Variants in TENT4A observed in about 807,000 individuals in gnomAD.
TENT4A encodes the protein terminal nucleotidyltransferase 4A, also known as DNA polymerase kappa.
TENT4A carries 7 observed loss-of-function variants against 72.8 expected under a neutral mutation model. That is an observed-to-expected ratio of 0.10 (90% CI 0.05 to 0.18). TENT4A has a LOEUF of 0.18. TENT4A is among the 10% of genes least tolerant of loss of function. The pLI is 1.00. For missense variants in TENT4A, 831 were observed against 1,017.7 expected (o/e 0.82, Z 2.50); for synonymous variants, 456 against 434.3 (o/e 1.05, Z -0.62).
chr5:6,750,332 C>A lies in TENT4A; in HGVS notation c.1689C>A (p.Asp563Glu). 6.2e-7 allele frequency: 1 copy of A among 1,608,840 alleles called. No homozygotes were observed. Among genetic ancestry groups the A allele is most frequent in the Non-Finnish European group, 8.5e-7 (1 of 1,177,738 alleles). Residue 563 changes from aspartate to glutamate, a missense_variant and splice_region_variant, in exon 10 of 13, where the codon GAC (aspartate) becomes GAA (glutamate). Asp to Glu is a conservative substitution (Grantham distance 45). Coordinates refer to ENST00000230859, the MANE Select transcript of TENT4A (RefSeq NM_006999.6). ...GSKAHPSPGM[D>E]SRIKIKERIA... ...AACCAAGGCTTTTTCCCTCCACAGA[C>A]AGCAGGATCAAGATCAAAGAGCGAA...
In TENT4A at chr5:6,714,213, GCCCCACCGC is replaced by G. The variant is rs933033549; in HGVS notation, c.231_239del (p.Thr79_Pro81del). 2 of 976,826 alleles carry G rather than the reference GCCCCACCGC, an allele frequency of 2.0e-6. No homozygotes were observed. Among genetic ancestry groups the G allele is most frequent in the African/African-American group, 1.8e-5 (1 of 56,094 alleles). 60.5% of individuals were successfully genotyped at this position (976,826 alleles called of 1,614,324 possible). On this transcript the variant is annotated inframe_deletion, in exon 1 of 13. Transcript: ENST00000230859. ...CCCGCCGCGTCGCCCCCGCCGCCCG[GCCCCACCGC>G]GCCCGCCGCGCTGCCCCCCGCGCTG...
intron 6 of TENT4A, 166 bp from the exon 7 acceptor site, chr5:6,746,048 G>C (rs1019507218): frequency 6.8e-7 from 1 of 1,476,838 alleles, no homozygotes; most frequent in African/African-American, 1.4e-5. Flanking sequence ...AACACTCCTC[G>C]TTGAAGAGGC....
chr5:6,734,040 A>G (rs999074682), intron 1 of TENT4A, among the ~76,000 whole-genome samples: 64 of 152,242 alleles, frequency 4.2e-4, no homozygotes, highest in African/African-American at 1.4e-3. Flanking sequence ...ATCAGCAATG[A>G]CAAGGTCAGC....
chr5:6,754,058 A>G (rs1322056797), intron 12 of TENT4A, among the ~76,000 whole-genome samples: 1 of 152,204 alleles, frequency 6.6e-6, no homozygotes, highest in African/African-American at 2.4e-5. Context: ...AGGCTGCTGC[A>G]TGCTGGGATC....
intron 1 of TENT4A, among the ~76,000 whole-genome samples, chr5:6,733,055 C>A (rs1290414235): frequency 1.3e-5 from 2 of 152,226 alleles, no homozygotes; most frequent in Non-Finnish European, 2.9e-5. Context: ...TGTCCTTTGG[C>A]CCCACCTCAG....
At chr5:6,743,943 C>T in intron 6 of TENT4A, 103 bp downstream of exon 6, 1 of 1,040,136 alleles carries the variant, frequency 9.6e-7, no homozygotes, top group Non-Finnish European at 1.4e-6. Context: ...TCTCCTTTTA[C>T]TGTATTGTTT....
In TENT4A at chr5:6,749,581, A is replaced by T; in HGVS notation, c.1611A>T (p.Val537=). ...AESTLGRIIK[V]TQEVIDYRRW... is the part of the protein sequence containing the mutation. ...GTACTTTAGGAAGAATCATCAAAGT[A>T]ACTCAGGAGGTGATTGACTACCGGA... is the stretch of plus-strand genomic sequence containing the variant. Residue 537 remains valine, a synonymous_variant, in exon 9 of 13, where the codon GTA becomes GTT. Transcript: ENST00000230859. The T allele has an allele frequency of 6.2e-7, 1 of 1,613,458 alleles. No individual in the cohort carries two copies. Among genetic ancestry groups the T allele is most frequent in the Non-Finnish European group, 8.5e-7 (1 of 1,179,372 alleles).
intron 1 of TENT4A, among the ~76,000 whole-genome samples, chr5:6,715,913 C>T (rs1377437585): frequency 6.6e-6 from 1 of 152,196 alleles, no homozygotes; most frequent in Non-Finnish European, 1.5e-5. Flanking sequence ...CAGTTCTTAC[C>T]TGTAGAACTT....
At chr5:6,731,936 G>T (rs914020616) in intron 1 of TENT4A, among the ~76,000 whole-genome samples, 3 of 152,184 alleles carry the variant, frequency 2.0e-5, no homozygotes, top group Non-Finnish European at 4.4e-5. Context: ...CAGCCCCACT[G>T]TTCTTTCTAA....
chr5:6,749,253 G>A (rs1654184979), intron 8 of TENT4A, among the ~76,000 whole-genome samples: 1 of 152,148 alleles, frequency 6.6e-6, no homozygotes, highest in African/African-American at 2.4e-5. Flanking sequence ...CTCCATTCTC[G>A]TCCGTGCAGT....
intron 11 of TENT4A, 62 bp downstream of exon 11, chr5:6,751,259 T>TA (rs1386504396): frequency 1.3e-6 from 2 of 1,530,550 alleles, no homozygotes; most frequent in African/African-American, 2.7e-5. Flanking sequence ...CGAGCTGTGA[T>TA]ATGCACTAGA....
chr5:6,737,636 G>A lies in TENT4A; in HGVS notation c.840+3G>A. The A allele has an allele frequency of 6.2e-7, 1 of 1,612,852 alleles. No homozygotes were observed. The highest frequency in any genetic ancestry group is 8.5e-7 in the Non-Finnish European group (1 of 1,179,532). On this transcript the variant is annotated splice_donor_region_variant and intron_variant, in intron 2 of 12. Coordinates refer to ENST00000230859, the MANE Select transcript of TENT4A (RefSeq NM_006999.6). ...AAGACCTTTGGCCGACGGCTGATGT[G>A]AGTATGTTCTTTGGAGTTCTGTGTC...
intron 4 of TENT4A, among the ~76,000 whole-genome samples, chr5:6,740,108 AAT>A (rs1228985804): frequency 2.6e-5 from 4 of 152,174 alleles, no homozygotes; most frequent in Middle Eastern, 3.2e-3. Context: ...TTGGAATGAA[AAT>A]ATATGATTGT....
intron 1 of TENT4A, among the ~76,000 whole-genome samples, chr5:6,730,098 C>CG (rs1445647232): frequency 6.6e-6 from 1 of 152,040 alleles, no homozygotes; most frequent in Non-Finnish European, 1.5e-5. Flanking sequence ...TTTCTCCGCC[C>CG]CCCCCCGGAG....
intron 6 of TENT4A, 137 bp downstream of exon 6, chr5:6,743,977 G>A (rs1741952887): frequency 3.9e-6 from 3 of 760,782 alleles, no homozygotes; most frequent in South Asian, 3.6e-5. Context: ...GCTGATTTCT[G>A]ATTCTTACAA....
rs965336716 is a variant in TENT4A, at chr5:6,714,081, G to C, written c.98G>C (p.Gly33Ala). ...IWETSQGVGRGGSGFASYFCL... is the reference protein window; with the variant it reads ...IWETSQGVGRAGSGFASYFCL... ...GAGACCTCGCAGGGCGTGGGCCGCG[G>C]CGGCTCGGGCTTCGCGTCCTATTTC... Residue 33 changes from glycine (G) to alanine (A), a missense_variant, in exon 1 of 13, where the codon GGC becomes GCC. By Grantham distance (60) the Gly-to-Ala change is moderately conservative. Around this residue, in one of 3 missense-constraint regions of TENT4A, gnomAD observed 302 missense variants for 293.8 expected, o/e 1.03. Coordinates refer to ENST00000230859, the MANE Select transcript of TENT4A (RefSeq NM_006999.6). 3.4e-5 allele frequency: 34 copies of C among 989,722 alleles called. No homozygotes were observed. The highest frequency in any genetic ancestry group is 4.0e-5 in the Non-Finnish European group (33 of 833,850). The allele number at this position is 989,722 out of a possible 1,614,324, so 61.3% of individuals were successfully genotyped here. A position where few individuals can be genotyped will look rare whatever the true frequency, so the allele number is the denominator to read the frequency against.
intron 6 of TENT4A, among the ~76,000 whole-genome samples, chr5:6,744,228 G>A (rs1003948675): frequency 3.9e-5 from 6 of 152,138 alleles, no homozygotes; most frequent in Non-Finnish European, 7.3e-5. Flanking sequence ...TATGAGAAAA[G>A]GATTTACAAG....
chr5:6,754,905 C>G lies in TENT4A; in HGVS notation c.2339C>G (p.Thr780Arg). 6.2e-7 allele frequency: 1 copy of G among 1,603,442 alleles called. No homozygotes were observed. The highest frequency in any genetic ancestry group is 1.1e-5 in the South Asian group (1 of 90,558). Reference sequence around the variant, plus strand: ...ACCGGCTGGAGGAGGAAAAAACACACACACACACGGGACAGTCTGCCCGTG... The same window carrying G: ...ACCGGCTGGAGGAGGAAAAAACACAGACACACACGGGACAGTCTGCCCGTG... ...NRTGWRRKKH[T>R]HTRDSLPVSL... Residue 780 changes from threonine (T) to arginine (R), a missense_variant, in exon 13 of 13, where the codon ACA (threonine) becomes AGA (arginine). Coordinates refer to ENST00000230859, the MANE Select transcript of TENT4A (RefSeq NM_006999.6).
chr5:6,724,616 T>C (rs1344369402), intron 1 of TENT4A, among the ~76,000 whole-genome samples: 1 of 151,608 alleles, frequency 6.6e-6, no homozygotes, highest in Admixed American at 6.6e-5. Context: ...TTCAGGGAGA[T>C]GAAAGCATGG....
Sources: allele counts gnomAD v4.1 joint callset (sites outside exome capture counted in the v4.1 genomes callset), GRCh38; gene constraint gnomAD v4.1.1; regional missense constraint gnomAD v4.1.1; transcripts MANE v1.5; gene names NCBI Gene and HGNC (gene_info 2026-07-23, HGNC 2026-07-21).